Variants in CTNND2 observed in about 807,000 individuals in gnomAD.
CTNND2 encodes the protein catenin delta-2.
In CTNND2, 22 loss-of-function variants were observed where a neutral mutation model predicts 144.4. The ratio of observed to expected loss-of-function variants is 0.15; its 90% CI spans 0.11 to 0.22. The LOEUF (loss-of-function observed/expected upper bound fraction) is 0.22. CTNND2 is among the 10% of genes least tolerant of loss of function. The pLI is 1.00. For missense variants in CTNND2, 1,353 were observed against 1,618.8 expected (o/e 0.84, Z 2.82); for synonymous variants, 751 against 695.6 (o/e 1.08, Z -1.25).
At chr5:11,240,589 C>A (rs1487967319) in intron 9 of CTNND2, among the ~76,000 whole-genome samples, 1 of 124,928 alleles carries the variant, frequency 8.0e-6, no homozygotes, top group Non-Finnish European at 1.7e-5. Context: ...CACACATACT[C>A]AGCACACACA....
chr5:11,400,306 T>G (rs1760525676), intron 5 of CTNND2, among the ~76,000 whole-genome samples: 1 of 152,138 alleles, frequency 6.6e-6, no homozygotes, highest in Admixed American at 6.5e-5. Flanking sequence ...GCTATTGTCT[T>G]TAATGTAATG....
At chr5:11,898,510 G>A (rs940319553) in intron 1 of CTNND2, among the ~76,000 whole-genome samples, 1 of 151,880 alleles carries the variant, frequency 6.6e-6, no homozygotes, top group Admixed American at 6.6e-5. Flanking sequence ...ACACTTCTCT[G>A]GCCTTTACCT....
chr5:11,739,291 T>G (rs745541882), intron 1 of CTNND2, among the ~76,000 whole-genome samples: 2 of 152,114 alleles, frequency 1.3e-5, no homozygotes, highest in Non-Finnish European at 2.9e-5. Flanking sequence ...AAGGCAGAAC[T>G]GGTGGGCCTC....
chr5:11,609,845 A>T (rs1780230441), intron 2 of CTNND2, among the ~76,000 whole-genome samples: 1 of 152,172 alleles, frequency 6.6e-6, no homozygotes, highest in Admixed American at 6.5e-5. Context: ...TGACCTCATG[A>T]CCAAGTGACA....
intron 12 of CTNND2, among the ~76,000 whole-genome samples, chr5:11,154,561 C>T (rs1014494305): frequency 2.0e-5 from 3 of 152,186 alleles, no homozygotes; most frequent in Non-Finnish European, 4.4e-5. Flanking sequence ...TCTATCTCCT[C>T]CTCTTCTCAG....
intron 11 of CTNND2, among the ~76,000 whole-genome samples, chr5:11,186,299 A>C (rs1050221843): frequency 3.3e-5 from 5 of 152,216 alleles, no homozygotes; most frequent in Non-Finnish European, 5.9e-5. Flanking sequence ...ACAAGGTTTC[A>C]TAGGGAAGTA....
intron 16 of CTNND2, among the ~76,000 whole-genome samples, chr5:11,065,633 A>G (rs1747487065): frequency 6.6e-6 from 1 of 152,208 alleles, no homozygotes; most frequent in Non-Finnish European, 1.5e-5. Flanking sequence ...TTTTTTTAAC[A>G]TGCCCAAATT....
chr5:11,567,433 T>C (rs1351023397), intron 2 of CTNND2, among the ~76,000 whole-genome samples: 1 of 152,184 alleles, frequency 6.6e-6, no homozygotes, highest in African/African-American at 2.4e-5. Flanking sequence ...GAATTGTTTT[T>C]CTGTTCTCCA....
intron 2 of CTNND2, among the ~76,000 whole-genome samples, chr5:11,582,279 T>G (rs565204242): frequency 6.6e-6 from 1 of 152,204 alleles, no homozygotes; most frequent in Admixed American, 6.5e-5. Flanking sequence ...AATGAGCAGC[T>G]TTAAAGCCCA....
chr5:11,284,256 T>C (rs1440348163), intron 9 of CTNND2, among the ~76,000 whole-genome samples: 1 of 152,190 alleles, frequency 6.6e-6, no homozygotes, highest in African/African-American at 2.4e-5. Flanking sequence ...ATGCAGGGCC[T>C]ATCTCATTAT....
chr5:11,208,148 G>A (rs989338987), intron 10 of CTNND2, among the ~76,000 whole-genome samples: 1 of 152,072 alleles, frequency 6.6e-6, no homozygotes, highest in Admixed American at 6.5e-5. Flanking sequence ...AAATAAATAT[G>A]TTATGAATTG....
At chr5:11,891,163 C>T (rs1435054735) in intron 1 of CTNND2, among the ~76,000 whole-genome samples, 2 of 152,138 alleles carry the variant, frequency 1.3e-5, no homozygotes, top group South Asian at 2.1e-4. Flanking sequence ...CTCTGGAATG[C>T]CATATGTTAA....
intron 1 of CTNND2, among the ~76,000 whole-genome samples, chr5:11,774,561 T>TAA (rs1202575547): frequency 8.6e-6 from 1 of 116,756 alleles, no homozygotes; most frequent in Non-Finnish European, 1.8e-5. Context: ...AAAAAAAAAT[T>TAA]AAAAAAAAAA....
At chr5:11,138,378 G>T (rs1756365761) in intron 12 of CTNND2, among the ~76,000 whole-genome samples, 1 of 152,200 alleles carries the variant, frequency 6.6e-6, no homozygotes, top group Admixed American at 6.5e-5. Context: ...GCTGGGATTA[G>T]GATGTAGACA....
At chr5:11,080,447 T>C (rs1484475952) in intron 16 of CTNND2, among the ~76,000 whole-genome samples, 1 of 152,234 alleles carries the variant, frequency 6.6e-6, no homozygotes, top group African/African-American at 2.4e-5. Context: ...AGAATTACTA[T>C]ATGATCCAGT....
chr5:11,165,352 C>T (rs1280410009), intron 11 of CTNND2, among the ~76,000 whole-genome samples: 2 of 152,104 alleles, frequency 1.3e-5, no homozygotes, highest in Non-Finnish European at 2.9e-5. Flanking sequence ...CCAGGTAATA[C>T]TAAAATTTCA....
chr5:11,696,726 G>C (rs1285053396), intron 2 of CTNND2, among the ~76,000 whole-genome samples: 1 of 152,176 alleles, frequency 6.6e-6, no homozygotes, highest in East Asian at 1.9e-4. Flanking sequence ...CAGATCCTAA[G>C]GGAGGTCAGG....
chr5:11,536,640 T>C (rs1774239799), intron 3 of CTNND2, among the ~76,000 whole-genome samples: 1 of 152,072 alleles, frequency 6.6e-6, no homozygotes, highest in Non-Finnish European at 1.5e-5. Context: ...AAACCAAACA[T>C]TGTATGTTCT....
intron 3 of CTNND2, among the ~76,000 whole-genome samples, chr5:11,521,818 C>T (rs557952142): frequency 1.1e-4 from 16 of 152,300 alleles, no homozygotes; most frequent in African/African-American, 3.6e-4. Context: ...CGATGTTAAA[C>T]ATCCATTAGG....
Sources: gnomAD v4.1 joint callset for allele counts (sites outside exome capture counted in the v4.1 genomes callset) on GRCh38, gnomAD v4.1.1 for gene constraint, MANE v1.5 for transcripts, NCBI Gene and HGNC (gene_info 2026-07-23, HGNC 2026-07-21) for gene names.